The following LIN54 variants were observed in gnomAD, a reference collection of about 807,000 sequenced individuals.
LIN54 encodes lin-54 DREAM MuvB core complex component, also known as protein lin-54 homolog.
Under a neutral mutation model 78.7 loss-of-function variants are expected in LIN54, and 9 were observed. The ratio of observed to expected loss-of-function variants is 0.11; its 90% CI spans 0.07 to 0.20. The LOEUF is 0.20. LIN54 is among the 10% of genes least tolerant of loss of function. The pLI, the probability that LIN54 is intolerant of heterozygous loss-of-function variation, is 1.00. For synonymous variants in LIN54, 269 were observed against 318.4 expected (o/e 0.84, Z 1.65); for missense variants, 573 against 889.9 (o/e 0.64, Z 4.53).
chr4:82,963,201 C>T (rs930425124), intron 4 of LIN54, among the ~76,000 whole-genome samples: 14 of 152,056 alleles, frequency 9.2e-5, no homozygotes, highest in African/African-American at 2.2e-4. Context: ...TAAATGACAT[C>T]TTTAAAGTAC....
chr4:83,010,614 C>T lies in LIN54; in HGVS notation c.-163G>A. 8.1e-7 allele frequency: 1 copy of T among 1,229,288 alleles called. No individual in the cohort carries two copies. Among genetic ancestry groups the T allele is most frequent in the Non-Finnish European group, 1.0e-6 (1 of 986,256 alleles). 76.1% of individuals were successfully genotyped at this position (1,229,288 alleles called of 1,614,324 possible). A position where few individuals can be genotyped will look rare whatever the true frequency, so the allele number is the denominator to read the frequency against. On this transcript the variant is annotated 5_prime_UTR_variant, in exon 1 of 13. Transcript: ENST00000340417. Reference sequence around the variant, plus strand: ...AGCTCTGGCCAGCAGCTTCCTTTCCCAGTTTGTCCAAACTGGAGCGCTCCA... The same window carrying T: ...AGCTCTGGCCAGCAGCTTCCTTTCCTAGTTTGTCCAAACTGGAGCGCTCCA...
Position 82,936,346 on chromosome 4 carries a change from T to C in LIN54, c.1640A>G (p.Asn547Ser), listed in dbSNP as rs751792431. The change falls in exon 10 of 13, where the codon AAC becomes AGC. Residue 547 changes from asparagine (N) to serine (S), a missense_variant. Physicochemically the swap from Asn to Ser is conservative, Grantham distance 46. Transcript: ENST00000340417. The stretch of plus-strand genomic sequence containing the variant: ...GTAACAATTAGTACAATTGCAGTTG[T>C]TGCAAAATTCACCATTTGCAAAGCA... ...CDCFANGEFC[N>S]NCNCTNCYNN... 3.2e-6 allele frequency: 5 copies of C among 1,577,318 alleles called. No individual in the cohort carries two copies. In the Admixed American group the frequency reaches 9.0e-5, roughly 28 times the overall value.
chr4:82,999,603 CCT>C (rs1229552093), intron 1 of LIN54, among the ~76,000 whole-genome samples: 2 of 151,472 alleles, frequency 1.3e-5, no homozygotes, highest in Non-Finnish European at 2.9e-5. Context: ...ATGGTGAAAC[CCT>C]GTCTCTACCA....
chr4:82,942,307 G>A (rs185039469), intron 5 of LIN54, among the ~76,000 whole-genome samples: 34 of 152,260 alleles, frequency 2.2e-4, no homozygotes, highest in African/African-American at 7.7e-4. Context: ...CGTCTAGAGA[G>A]AATATATGAT....
chr4:82,962,400 G>A (rs1238736168), intron 4 of LIN54, among the ~76,000 whole-genome samples: 1 of 152,150 alleles, frequency 6.6e-6, no homozygotes, highest in Non-Finnish European at 1.5e-5. Context: ...CTCTACTGCA[G>A]TGGTATAAAC....
intron 3 of LIN54, among the ~76,000 whole-genome samples, chr4:82,974,043 T>C (rs1374172817): frequency 1.3e-5 from 2 of 151,992 alleles, no homozygotes; most frequent in East Asian, 3.9e-4. Flanking sequence ...ACCCCATCTC[T>C]ACTAAAAATA....
In LIN54 at chr4:82,927,442, T is replaced by C. The variant is rs1382583841; in HGVS notation, c.*660A>G. The C allele has an allele frequency of 6.6e-6, 1 of 152,240 alleles. No homozygotes were observed. The highest frequency in any genetic ancestry group is 2.1e-4 in the South Asian group (1 of 4,838). 9.4% of individuals were successfully genotyped at this position (152,240 alleles called of 1,614,324 possible). A position where few individuals can be genotyped will look rare whatever the true frequency, so the allele number is the denominator to read the frequency against. On this transcript the variant is annotated 3_prime_UTR_variant, in exon 13 of 13. Coordinates refer to ENST00000340417, the MANE Select transcript of LIN54 (RefSeq NM_194282.4). Reference sequence around the variant, plus strand: ...AGCATCTGTTAGCCTTTCCTTATTATAGAAACACATTGCCCATCCTCTGAG... The same window carrying C: ...AGCATCTGTTAGCCTTTCCTTATTACAGAAACACATTGCCCATCCTCTGAG...
At chr4:83,002,427 AGGAG>A (rs1206022450) in intron 1 of LIN54, among the ~76,000 whole-genome samples, 3 of 113,622 alleles carry the variant, frequency 2.6e-5, no homozygotes, top group African/African-American at 3.4e-5. Context: ...AGGGATAGAA[AGGAG>A]GGAGGGAGGG....
intron 1 of LIN54, among the ~76,000 whole-genome samples, chr4:82,988,428 A>C (rs1472665062): frequency 1.3e-5 from 2 of 152,194 alleles, no homozygotes; most frequent in African/African-American, 4.8e-5. Context: ...TTCATCTGTT[A>C]ATGGACATTT....
chr4:82,997,931 T>C (rs1023068350), intron 1 of LIN54, among the ~76,000 whole-genome samples: 1 of 149,894 alleles, frequency 6.7e-6, no homozygotes, highest in South Asian at 2.1e-4. Context: ...GAGGCAGAGG[T>C]TGCAGTGAAC....
intron 1 of LIN54, among the ~76,000 whole-genome samples, chr4:83,002,447 G>GGGAGGGAAGGAGGAAGGAGGGA (rs1560797762): frequency 2.7e-5 from 4 of 148,300 alleles, no homozygotes; most frequent in African/African-American, 7.5e-5. Context: ...GAGGGAGGAG[G>GGGAGGGAAGGAGGAAGGAGGGA]GGAGGGAAGG....
intron 4 of LIN54, among the ~76,000 whole-genome samples, chr4:82,956,162 G>A (rs1724311589): frequency 2.0e-5 from 3 of 152,002 alleles, no homozygotes; most frequent in Admixed American, 2.0e-4. Context: ...TGTTGGCCAG[G>A]CTGGTCTTGA....
At chr4:82,928,428 A>G (rs6535412) in intron 12 of LIN54, 125 bp from the exon 13 acceptor site, 213,545 of 766,346 alleles carry the variant, frequency 0.28, 33,005 homozygotes, top group East Asian at 0.5. Context: ...GAGCATCACA[A>G]TTTACACAGT....
intron 11 of LIN54, among the ~76,000 whole-genome samples, chr4:82,931,492 CAATCA>C (rs1443263973): frequency 1.3e-5 from 2 of 152,308 alleles, no homozygotes; most frequent in East Asian, 1.9e-4. Context: ...CCAGCCACCT[CAATCA>C]AATCATCATT....
Position 82,951,268 on chromosome 4 carries a change from T to C in LIN54, c.952-4794A>G, listed in dbSNP as rs750022548. Among the ~76,000 whole-genome samples, 166 of 152,326 alleles carry C rather than the reference T, an allele frequency of 1.1e-3. 1 individual carries two copies. Among genetic ancestry groups the C allele is most frequent in the Non-Finnish European group, 2.8e-4 (19 of 68,002 alleles). ...CACGAGAACATTCAGCACTGATGTA[T>C]TGACTGGTGAAATATTACAAAAGAG... is the stretch of plus-strand genomic sequence containing the variant. On this transcript the variant is annotated intron_variant, in intron 4 of 12. Coordinates refer to ENST00000340417, the MANE Select transcript of LIN54 (RefSeq NM_194282.4).
At chr4:82,969,993 T>A (rs1487815456) in intron 4 of LIN54, among the ~76,000 whole-genome samples, 4 of 152,180 alleles carry the variant, frequency 2.6e-5, no homozygotes, top group African/African-American at 9.7e-5. Flanking sequence ...TAAGTCTATA[T>A]GTACCTTCCA....
intron 12 of LIN54, among the ~76,000 whole-genome samples, chr4:82,929,105 G>C (rs1200223605): frequency 6.6e-6 from 1 of 152,218 alleles, no homozygotes; most frequent in Non-Finnish European, 1.5e-5. Context: ...TATGGCAAGA[G>C]AGGGTAATTG....
chr4:82,944,369 T>TATC (rs970036037), intron 5 of LIN54, among the ~76,000 whole-genome samples: 1 of 152,172 alleles, frequency 6.6e-6, no homozygotes, highest in Non-Finnish European at 1.5e-5. Context: ...GACTGCTTTC[T>TATC]ATCATCATCA....
chr4:82,950,025 T>C (rs1370917467), intron 4 of LIN54, among the ~76,000 whole-genome samples: 3 of 151,160 alleles, frequency 2.0e-5, no homozygotes, highest in Non-Finnish European at 4.4e-5. Context: ...TTTATATTTT[T>C]AGTAGAGATG....
Sources: gnomAD v4.1 joint callset for allele counts (sites outside exome capture counted in the v4.1 genomes callset) on GRCh38, gnomAD v4.1.1 for gene constraint, MANE v1.5 for transcripts, NCBI Gene and HGNC (gene_info 2026-07-23, HGNC 2026-07-21) for gene names.